NR3C2: variants seen among roughly 807,000 people sequenced by gnomAD.
NR3C2 encodes the protein mineralocorticoid receptor.
Under a neutral mutation model 86.4 loss-of-function variants are expected in NR3C2, and 15 were observed. That is an observed-to-expected ratio of 0.17 (90% CI 0.12 to 0.27). The LOEUF (loss-of-function observed/expected upper bound fraction) is 0.27. Among genes scored for constraint, NR3C2 ranks in the 10% least tolerant of loss-of-function variants. The pLI is 1.00. For missense variants in NR3C2, 960 were observed against 1,195.6 expected, an observed-to-expected ratio of 0.80 and a Z score of 2.91; for synonymous variants, 458 against 450.5, an observed-to-expected ratio of 1.02 and a Z score of -0.21.
At chr4:148,414,265 C>T (rs984104239) in intron 2 of NR3C2, among the ~76,000 whole-genome samples, 9 of 152,118 alleles carry the variant, frequency 5.9e-5, no homozygotes, top group African/African-American at 1.9e-4. Flanking sequence ...AGATGACATT[C>T]TTGACTTGGA....
chr4:148,441,943 G>A (rs1242617127), intron 1 of NR3C2, among the ~76,000 whole-genome samples: 2 of 152,238 alleles, frequency 1.3e-5, no homozygotes, highest in East Asian at 3.8e-4. Context: ...GCTAGTTAGA[G>A]GGCATTTATC....
At chr4:148,286,104 T>C (rs1392858872) in intron 2 of NR3C2, among the ~76,000 whole-genome samples, 1 of 152,256 alleles carries the variant, frequency 6.6e-6, no homozygotes, top group African/African-American at 2.4e-5. Context: ...AATGTTTGCT[T>C]TATCTAAAGT....
At chr4:148,334,686 TCAAA>T in intron 2 of NR3C2, among the ~76,000 whole-genome samples, 1 of 152,338 alleles carries the variant, frequency 6.6e-6, no homozygotes, top group African/African-American at 2.4e-5. Flanking sequence ...TCTGTAGCTA[TCAAA>T]CAGATTATCT....
At chr4:148,420,380 G>C (rs1253164827) in intron 2 of NR3C2, among the ~76,000 whole-genome samples, 1 of 152,168 alleles carries the variant, frequency 6.6e-6, no homozygotes, top group East Asian at 1.9e-4. Context: ...ACGGGTCCTT[G>C]TGCTGTTTGC....
At chr4:148,240,498 A>C (rs189225197) in intron 3 of NR3C2, among the ~76,000 whole-genome samples, 1 of 152,080 alleles carries the variant, frequency 6.6e-6, no homozygotes, top group Non-Finnish European at 1.5e-5. Context: ...TAGCAAAAGC[A>C]GCCAGCCTAG....
chr4:148,256,250 C>T (rs1739825452), intron 3 of NR3C2, among the ~76,000 whole-genome samples: 2 of 152,172 alleles, frequency 1.3e-5, no homozygotes, highest in Admixed American at 1.3e-4. Context: ...ATCTTGCCAC[C>T]TCAAAGGGCA....
At chr4:148,272,023 T>A (rs1740709475) in intron 2 of NR3C2, among the ~76,000 whole-genome samples, 1 of 152,168 alleles carries the variant, frequency 6.6e-6, no homozygotes, top group Non-Finnish European at 1.5e-5. Flanking sequence ...AGTTATCTTC[T>A]CCCTCTATTT....
Position 148,216,385 on chromosome 4 carries a change from A to G in NR3C2, c.1898-21523T>C, listed in dbSNP as rs151281407. 3.3e-3 allele frequency among the ~76,000 whole-genome samples: 509 copies of G among 152,272 alleles called. 6 individuals carry two copies. The highest frequency in any genetic ancestry group is 0.018 in the Admixed American group (272 of 15,300). ...TTTATTGGATCATTTAACTAAGATA[A>G]CAATCCCATGAAACAGTCTTAGCAT... On this transcript the variant is annotated intron_variant, in intron 3 of 8. Transcript: ENST00000358102.
chr4:148,162,526 T>C (rs559193399), intron 4 of NR3C2, among the ~76,000 whole-genome samples: 1 of 152,216 alleles, frequency 6.6e-6, no homozygotes, highest in Admixed American at 6.5e-5. Flanking sequence ...AGAAAGAACC[T>C]CAGGGGAAGA....
At chr4:148,291,644 G>A (rs1183151100) in intron 2 of NR3C2, among the ~76,000 whole-genome samples, 3 of 151,998 alleles carry the variant, frequency 2.0e-5, no homozygotes, top group Admixed American at 2.0e-4. Context: ...ATTGATGTCT[G>A]ATTACTTTCT....
At chr4:148,356,680 G>A (rs950570834) in intron 2 of NR3C2, among the ~76,000 whole-genome samples, 10 of 152,154 alleles carry the variant, frequency 6.6e-5, no homozygotes, top group Non-Finnish European at 1.5e-4. Flanking sequence ...CATATCCCAA[G>A]GGCGGACTAA....
intron 8 of NR3C2, among the ~76,000 whole-genome samples, chr4:148,103,350 T>C (rs1453595460): frequency 6.6e-6 from 1 of 152,204 alleles, no homozygotes; most frequent in African/African-American, 2.4e-5. Context: ...GTCTCTCATG[T>C]GGTTGTTGTA....
chr4:148,360,652 A>G (rs1745791430), intron 2 of NR3C2, among the ~76,000 whole-genome samples: 1 of 152,246 alleles, frequency 6.6e-6, no homozygotes, highest in African/African-American at 2.4e-5. Flanking sequence ...TATAAAAAGA[A>G]TCATAATTTG....
At chr4:148,193,259 G>A (rs761812702) in intron 4 of NR3C2, among the ~76,000 whole-genome samples, 1 of 152,170 alleles carries the variant, frequency 6.6e-6, no homozygotes, top group Non-Finnish European at 1.5e-5. Context: ...CTTCTCCAGT[G>A]GGGGTGTGTG....
intron 3 of NR3C2, among the ~76,000 whole-genome samples, chr4:148,242,056 G>T (rs1177865304): frequency 6.6e-6 from 1 of 152,122 alleles, no homozygotes; most frequent in Non-Finnish European, 1.5e-5. Flanking sequence ...GAGGAATTAG[G>T]ATTTAAGTGT....
At chr4:148,433,705 T>TC (rs1308585435) in intron 2 of NR3C2, among the ~76,000 whole-genome samples, 1 of 152,130 alleles carries the variant, frequency 6.6e-6, no homozygotes, top group African/African-American at 2.4e-5. Flanking sequence ...ACTACCAGGC[T>TC]ATACTACCTC....
intron 1 of NR3C2, among the ~76,000 whole-genome samples, chr4:148,441,063 G>T (rs1164061878): frequency 1.3e-5 from 2 of 152,092 alleles, no homozygotes; most frequent in Non-Finnish European, 2.9e-5. Flanking sequence ...CTCTTTTATA[G>T]ATGAGGTAAA....
intron 6 of NR3C2, among the ~76,000 whole-genome samples, chr4:148,136,555 T>A (rs925186707): frequency 3.3e-5 from 5 of 152,122 alleles, no homozygotes; most frequent in African/African-American, 1.2e-4. Flanking sequence ...ACTATACCCA[T>A]CCAATTCTAA....
chr4:148,212,881 G>A (rs1737348634), intron 3 of NR3C2, among the ~76,000 whole-genome samples: 1 of 152,116 alleles, frequency 6.6e-6, no homozygotes, highest in Admixed American at 6.5e-5. Flanking sequence ...TGCAGATGAA[G>A]GTTCGTAATA....
Sources: allele counts gnomAD v4.1 joint callset (sites outside exome capture counted in the v4.1 genomes callset), GRCh38; gene constraint gnomAD v4.1.1; transcripts MANE v1.5; gene names NCBI Gene and HGNC (gene_info 2026-07-23, HGNC 2026-07-21).